HMG20A: variants seen among roughly 807,000 people sequenced by gnomAD.
The protein encoded by HMG20A is high mobility group 20A, also known as high mobility group protein 20A.
HMG20A carries 17 observed loss-of-function variants against 43.9 expected under a neutral mutation model. The ratio of observed to expected loss-of-function variants is 0.39; its 90% confidence interval spans 0.27 to 0.58. The LOEUF is 0.58. Among genes scored for constraint, HMG20A ranks in the 20% least tolerant of loss-of-function variants. The pLI, the probability that HMG20A is intolerant of heterozygous loss-of-function variation, is 0.59. For synonymous variants in HMG20A, 132 were observed against 147.5 expected, an observed-to-expected ratio of 0.89 and a Z score of 0.76; for missense variants, 341 against 438.2, an observed-to-expected ratio of 0.78 and a Z score of 1.98.
chr15:77,472,633 G>A (rs1423784233), intron 6 of HMG20A, among the ~76,000 whole-genome samples: 1 of 152,212 alleles, frequency 6.6e-6, no homozygotes, highest in Admixed American at 6.5e-5. Flanking sequence ...ACATGTTTGT[G>A]TACTGGCTTC....
At chr15:77,480,417 C>G (rs1015848248) in intron 9 of HMG20A, among the ~76,000 whole-genome samples, 24 of 151,624 alleles carry the variant, frequency 1.6e-4, no homozygotes, top group African/African-American at 5.6e-4. Flanking sequence ...TCAAGACCAG[C>G]TTGGGCAAAA....
intron 9 of HMG20A, among the ~76,000 whole-genome samples, chr15:77,481,595 C>T (rs2072905945): frequency 6.6e-6 from 1 of 152,096 alleles, no homozygotes. Flanking sequence ...TTTTTCATCT[C>T]AAGAGTATAA....
the HMG20A span, among the ~76,000 whole-genome samples, chr15:77,514,805 C>T: frequency 6.6e-6 from 1 of 152,242 alleles, no homozygotes; most frequent in South Asian, 2.1e-4. Flanking sequence ...TAGAGGGGCC[C>T]GAGTCGGGGC....
the HMG20A span, among the ~76,000 whole-genome samples, chr15:77,517,150 C>T: frequency 1.3e-5 from 2 of 152,226 alleles, no homozygotes; most frequent in Non-Finnish European, 2.9e-5. Flanking sequence ...TGGGGATCCA[C>T]GGGCATCCCT....
chr15:77,472,992 A>G (rs116195253), intron 6 of HMG20A, among the ~76,000 whole-genome samples: 1 of 152,234 alleles, frequency 6.6e-6, no homozygotes, highest in African/African-American at 2.4e-5. Context: ...AATCTATTCA[A>G]AGTTGACCTG....
chr15:77,435,546 G>A (rs908893772), intron 1 of HMG20A, among the ~76,000 whole-genome samples: 1 of 151,888 alleles, frequency 6.6e-6, no homozygotes, highest in African/African-American at 2.4e-5. Flanking sequence ...CGCCCGCCTC[G>A]GCCTCCCAAA....
chr15:77,490,768 A>G, the HMG20A span, among the ~76,000 whole-genome samples: 2 of 152,346 alleles, frequency 1.3e-5, no homozygotes, highest in South Asian at 4.1e-4. Flanking sequence ...TCACGGAAGA[A>G]AAATCAAGGA....
intron 1 of HMG20A, among the ~76,000 whole-genome samples, chr15:77,423,866 G>T (rs2073396917): frequency 6.6e-6 from 1 of 152,080 alleles, no homozygotes; most frequent in African/African-American, 2.4e-5. Flanking sequence ...AACCTGAATG[G>T]TTTTTCACCT....
chr15:77,421,627 T>A (rs1424302670), intron 1 of HMG20A, among the ~76,000 whole-genome samples: 1 of 152,236 alleles, frequency 6.6e-6, no homozygotes, highest in Middle Eastern at 3.2e-3. Context: ...ACTTTTTATT[T>A]AGGGGACTGA....
the HMG20A span, among the ~76,000 whole-genome samples, chr15:77,509,723 T>C: frequency 6.8e-3 from 1,034 of 151,630 alleles, 4 homozygotes; most frequent in South Asian, 0.011. Flanking sequence ...CTGGCCAACA[T>C]GGAGAAACCC....
At chr15:77,431,944 G>A (rs1468930609) in intron 1 of HMG20A, among the ~76,000 whole-genome samples, 1 of 152,072 alleles carries the variant, frequency 6.6e-6, no homozygotes, top group East Asian at 1.9e-4. Flanking sequence ...CATTCATTTT[G>A]TTGCAAATGA....
At chr15:77,435,478 G>C (rs903162000) in intron 1 of HMG20A, among the ~76,000 whole-genome samples, 5 of 151,940 alleles carry the variant, frequency 3.3e-5, no homozygotes, top group African/African-American at 1.2e-4. Flanking sequence ...TTTTTAAGTA[G>C]AGATGGGGTT....
chr15:77,485,157 C>T lies in HMG20A; in HGVS notation c.*2194C>T, dbSNP rs931161652. The T allele has an allele frequency of 6.6e-6, 1 of 152,574 alleles. No individual in the cohort carries two copies. Among genetic ancestry groups the T allele is most frequent in the Non-Finnish European group, 1.5e-5 (1 of 68,050 alleles). 9.5% of individuals were successfully genotyped at this position (152,574 alleles called of 1,614,324 possible). On this transcript the variant is annotated 3_prime_UTR_variant, in exon 10 of 10. Transcript: ENST00000336216. ...TGCTGTCTTTCCCAGTAGCTACTCA[C>T]CTGCCTCTGGTGGCTGGGATTCAGA...
chr15:77,454,794 GGT>G (rs1364208495), intron 1 of HMG20A, among the ~76,000 whole-genome samples: 1 of 152,122 alleles, frequency 6.6e-6, no homozygotes, highest in East Asian at 1.9e-4. Flanking sequence ...AGGTTTGTAT[GGT>G]TCAAGGTGAG....
rs529153202 is a variant in HMG20A at position 77,432,065 on chromosome 15, A to G, written c.-5+11061A>G. 1.3e-3 allele frequency among the ~76,000 whole-genome samples: 193 copies of G among 152,292 alleles called. 1 individual carries two copies. Among genetic ancestry groups the G allele is most frequent in the Admixed American group, 4.1e-3 (63 of 15,294 alleles). ...CTGAGGCTGATTCCATATCTTGGCT[A>G]TTGTGAATAATCTGGCAATAACCCT... On this transcript the variant is annotated intron_variant, in intron 1 of 9. Coordinates refer to ENST00000336216, the MANE Select transcript of HMG20A (RefSeq NM_001304504.2).
chr15:77,507,351 C>T, the HMG20A span, among the ~76,000 whole-genome samples: 1 of 152,152 alleles, frequency 6.6e-6, no homozygotes, highest in African/African-American at 2.4e-5. Flanking sequence ...TGCATGTACA[C>T]ACACCCCCCA....
At chr15:77,421,111 G>A (rs1462097854) in intron 1 of HMG20A, 107 bp downstream of exon 1, 1 of 394,368 alleles carries the variant, frequency 2.5e-6, no homozygotes, top group African/African-American at 2.1e-5. Context: ...CTCAGTTGGA[G>A]GCCGGCTGAA....
chr15:77,462,175 G>A (rs1033008900), intron 2 of HMG20A, among the ~76,000 whole-genome samples: 3 of 152,064 alleles, frequency 2.0e-5, no homozygotes, highest in Non-Finnish European at 4.4e-5. Context: ...AACTAAAATT[G>A]CCAGTGACCT....
the HMG20A span, among the ~76,000 whole-genome samples, chr15:77,506,697 C>T: frequency 0.025 from 3,845 of 152,344 alleles, 81 homozygotes; most frequent in Admixed American, 0.057. Flanking sequence ...GCCCACGTTC[C>T]GGTTTTCACG....
Sources: gnomAD v4.1 joint callset for allele counts (sites outside exome capture counted in the v4.1 genomes callset) on GRCh38, gnomAD v4.1.1 for gene constraint, MANE v1.5 for transcripts, NCBI Gene and HGNC (gene_info 2026-07-23, HGNC 2026-07-21) for gene names.